The following NEK1 variants were observed in gnomAD, a reference collection of about 807,000 sequenced individuals.
The protein encoded by NEK1 is NIMA related kinase 1.
Under a neutral mutation model 182.1 loss-of-function variants are expected in NEK1, and 137 were observed. The observed-to-expected ratio is 0.75, with a 90% CI of 0.65 to 0.87. The LOEUF is 0.87. Ranked by LOEUF, NEK1 falls within the 40% of genes least tolerant of loss-of-function variation. The pLI, the probability that NEK1 is intolerant of heterozygous loss-of-function variation, is 0.00. For missense variants in NEK1, 1,391 were observed against 1,494.4 expected (o/e 0.93, Z 1.14); for synonymous variants, 513 against 492.2 (o/e 1.04, Z -0.56).
At chr4:169,489,071 T>TC (rs1749576217) in intron 23 of NEK1, among the ~76,000 whole-genome samples, 1 of 152,212 alleles carries the variant, frequency 6.6e-6, no homozygotes, top group Non-Finnish European at 1.5e-5. Flanking sequence ...CTCATTTTTT[T>TC]CCCACTATAC....
At chr4:169,533,452 T>C (rs1038104499) in intron 19 of NEK1, among the ~76,000 whole-genome samples, 2 of 152,108 alleles carry the variant, frequency 1.3e-5, no homozygotes, top group African/African-American at 4.8e-5. Context: ...ACCAACACTA[T>C]GAAATACCTA....
intron 31 of NEK1, among the ~76,000 whole-genome samples, chr4:169,410,251 T>TGG (rs1284604101): frequency 5.3e-5 from 8 of 152,170 alleles, no homozygotes; most frequent in Non-Finnish European, 1.0e-4. Context: ...TTGGTACCAT[T>TGG]ATAAGTTCAA....
At chr4:169,538,326 TAAC>T (rs558490407) in intron 18 of NEK1, among the ~76,000 whole-genome samples, 259 of 152,132 alleles carry the variant, frequency 1.7e-3, no homozygotes, top group African/African-American at 4.7e-3. Context: ...TTTAAAAAAT[TAAC>T]AAAAAGAACA....
At chr4:169,576,810 C>T in intron 12 of NEK1, 118 bp downstream of exon 12, 3 of 982,662 alleles carry the variant, frequency 3.1e-6, no homozygotes, top group Non-Finnish European at 4.5e-6. Flanking sequence ...AGAAGGAGGA[C>T]ATTCCTTGGT....
intron 16 of NEK1, among the ~76,000 whole-genome samples, chr4:169,558,335 C>T (rs930267614): frequency 6.6e-6 from 1 of 152,224 alleles, no homozygotes; most frequent in African/African-American, 2.4e-5. Flanking sequence ...ATTGTAAGCA[C>T]AGGCTGAATT....
intron 2 of NEK1, among the ~76,000 whole-genome samples, chr4:169,603,162 A>T (rs1168396927): frequency 6.6e-6 from 1 of 152,180 alleles, no homozygotes; most frequent in Non-Finnish European, 1.5e-5. Flanking sequence ...TTCTGAATTC[A>T]AAGAATATGC....
chr4:169,514,146 T>C (rs1023461651), intron 19 of NEK1, among the ~76,000 whole-genome samples: 1 of 151,898 alleles, frequency 6.6e-6, no homozygotes, highest in Admixed American at 6.6e-5. Flanking sequence ...CCACCACGCC[T>C]GGCTAATTTT....
intron 31 of NEK1, among the ~76,000 whole-genome samples, chr4:169,418,803 TAG>T (rs969413793): frequency 6.6e-6 from 1 of 151,938 alleles, no homozygotes; most frequent in Non-Finnish European, 1.5e-5. Context: ...GAAAAGGTAG[TAG>T]AGAGAGAGAA....
rs183707636 is a variant in NEK1 at position 169,534,205 on chromosome 4, A to G, written c.1665+3604T>C. Among the ~76,000 whole-genome samples the G allele has an allele frequency of 9.8e-5, 15 of 152,342 alleles. 1 individual carries two copies. The South Asian group carries it at 2.5e-3, about 25-fold the overall frequency. On this transcript the variant is annotated intron_variant, in intron 19 of 35. Coordinates refer to ENST00000507142, the MANE Select transcript of NEK1 (RefSeq NM_001199397.3). ...ATCTACCCTCCCATCTTAAACACTA[A>G]AAGTCTGAACAAAGCATATGAAATG...
intron 15 of NEK1, 33 bp from the exon 16 acceptor site, chr4:169,561,587 TC>T: frequency 2.5e-6 from 4 of 1,605,206 alleles, no homozygotes; most frequent in Non-Finnish European, 3.4e-6. Flanking sequence ...AAACACCATT[TC>T]AAGTATTTAA....
chr4:169,435,528 G>C (rs1046554967), intron 28 of NEK1, among the ~76,000 whole-genome samples: 5 of 152,146 alleles, frequency 3.3e-5, no homozygotes, highest in Non-Finnish European at 2.9e-5. Flanking sequence ...ACTAGAGGGA[G>C]CTCTGTTTCT....
chr4:169,442,006 C>G (rs1336286744), intron 27 of NEK1, among the ~76,000 whole-genome samples: 2 of 152,070 alleles, frequency 1.3e-5, no homozygotes, highest in African/African-American at 4.8e-5. Context: ...CACTAAAGGC[C>G]TGGAGACTAG....
chr4:169,431,640 T>C (rs934463055), intron 29 of NEK1, among the ~76,000 whole-genome samples: 2 of 151,876 alleles, frequency 1.3e-5, no homozygotes, highest in African/African-American at 4.8e-5. Context: ...ATAAAAGTCC[T>C]AGAATGCTGG....
chr4:169,602,807 T>A lies in NEK1; in HGVS notation c.-48-129A>T, dbSNP rs1770713162. 7.7e-6 allele frequency: 4 copies of A among 521,614 alleles called. No homozygotes were observed. In the East Asian group the frequency reaches 1.0e-4, roughly 13 times the overall value. The allele number at this position is 521,614 out of a possible 1,614,324, so 32.3% of individuals were successfully genotyped here. A position where few individuals can be genotyped will look rare whatever the true frequency, so the allele number is the denominator to read the frequency against. On this transcript the variant is annotated intron_variant, in intron 2 of 35. Transcript: ENST00000507142. ...ATTTTAAAAAAGGATATTTAATATA[T>A]TCACTAAAAGTTACACTTTATATAC...
chr4:169,606,807 C>T (rs918793094), intron 2 of NEK1, among the ~76,000 whole-genome samples: 1 of 152,198 alleles, frequency 6.6e-6, no homozygotes, highest in Non-Finnish European at 1.5e-5. Context: ...TCCAAAACAA[C>T]TTAAAACCTG....
intron 35 of NEK1, among the ~76,000 whole-genome samples, chr4:169,396,429 A>G (rs143569396): frequency 1.1e-3 from 173 of 150,516 alleles, no homozygotes; most frequent in African/African-American, 3.6e-3. Context: ...GCTAATGCTA[A>G]TACTCAATGT....
chr4:169,502,055 G>A (rs1010053579), intron 23 of NEK1, among the ~76,000 whole-genome samples: 1 of 151,800 alleles, frequency 6.6e-6, no homozygotes, highest in Non-Finnish European at 1.5e-5. Context: ...AATAACAAAG[G>A]TGACATTACA....
intron 4 of NEK1, 137 bp from the exon 5 acceptor site, chr4:169,599,334 A>G: frequency 1.7e-6 from 1 of 595,708 alleles, no homozygotes; most frequent in Middle Eastern, 3.7e-4. Context: ...TTAGGGCACA[A>G]AGTCAAGGTA....
At chr4:169,495,978 A>G (rs187642266) in intron 23 of NEK1, among the ~76,000 whole-genome samples, 248 of 152,284 alleles carry the variant, frequency 1.6e-3, no homozygotes, top group African/African-American at 5.4e-3. Flanking sequence ...CATTGAATCT[A>G]TAAATTACCT....
Sources: gnomAD v4.1 joint callset for allele counts (sites outside exome capture counted in the v4.1 genomes callset) on GRCh38, gnomAD v4.1.1 for gene constraint, MANE v1.5 for transcripts, NCBI Gene and HGNC (gene_info 2026-07-23, HGNC 2026-07-21) for gene names.